The following TRPC7 variants were observed in gnomAD, a reference collection of about 807,000 sequenced individuals.
TRPC7 encodes the protein short transient receptor potential channel 7.
Under a neutral mutation model 90.1 loss-of-function variants are expected in TRPC7, and 42 were observed. That is an observed-to-expected ratio of 0.47 (90% confidence interval 0.36 to 0.60). The LOEUF (loss-of-function observed/expected upper bound fraction) is 0.60, where lower values mean the gene tolerates loss of function less well. Ranked by LOEUF, TRPC7 falls within the 20% of genes least tolerant of loss-of-function variation. TRPC7 has a pLI of 0.00. For missense variants in TRPC7, 955 were observed against 1,112.3 expected (o/e 0.86, Z 2.01); for synonymous variants, 451 against 436.3 (o/e 1.03, Z -0.42).
At chr5:136,220,383 T>C (rs1441855442) in intron 10 of TRPC7, among the ~76,000 whole-genome samples, 1 of 152,114 alleles carries the variant, frequency 6.6e-6, no homozygotes, top group Non-Finnish European at 1.5e-5. Flanking sequence ...ATTAAGACCC[T>C]GGGAAAGGAA....
At chr5:136,251,259 C>T (rs1462715650) in intron 6 of TRPC7, among the ~76,000 whole-genome samples, 1 of 152,138 alleles carries the variant, frequency 6.6e-6, no homozygotes, top group Non-Finnish European at 1.5e-5. Context: ...CACAGGGATC[C>T]AATATAGAAG....
chr5:136,213,361 A>G lies in TRPC7; in HGVS notation c.*74T>C. On this transcript the variant is annotated 3_prime_UTR_variant, in exon 12 of 12. Transcript: ENST00000513104. ...AGGAGTGGGCTGGGGACCCCTCCCC[A>G]CCAAGGATGGGGGCGAGGGCATCCA... 6.6e-7 allele frequency: 1 copy of G among 1,522,972 alleles called. No homozygotes were observed. Among genetic ancestry groups the G allele is most frequent in the Non-Finnish European group, 8.9e-7 (1 of 1,120,294 alleles). 94.3% of individuals were successfully genotyped at this position (1,522,972 alleles called of 1,614,324 possible).
intron 3 of TRPC7, among the ~76,000 whole-genome samples, chr5:136,286,727 G>A (rs560556096): frequency 4.6e-5 from 7 of 152,200 alleles, no homozygotes; most frequent in Admixed American, 3.3e-4. Context: ...AAGATAAGTC[G>A]AACACTGCCC....
chr5:136,361,070 G>A (rs1309958450), intron 1 of TRPC7, among the ~76,000 whole-genome samples: 1 of 152,148 alleles, frequency 6.6e-6, no homozygotes, highest in Non-Finnish European at 1.5e-5. Context: ...ATAGTTGGTG[G>A]CCAAAGCTTA....
chr5:136,246,055 T>C (rs1756326226), intron 7 of TRPC7, among the ~76,000 whole-genome samples: 1 of 152,202 alleles, frequency 6.6e-6, no homozygotes. Context: ...TGGATCTTTG[T>C]GGACACAGGC....
intron 5 of TRPC7, among the ~76,000 whole-genome samples, chr5:136,264,647 C>T (rs1008227300): frequency 1.3e-5 from 2 of 151,606 alleles, no homozygotes; most frequent in South Asian, 2.1e-4. Flanking sequence ...GGCTGGAGTG[C>T]GGTGGTGCAA....
intron 7 of TRPC7, among the ~76,000 whole-genome samples, chr5:136,231,986 G>A (rs1345525186): frequency 6.6e-6 from 1 of 152,164 alleles, no homozygotes; most frequent in African/African-American, 2.4e-5. Context: ...GTGGGGCTGG[G>A]CTGGTTGGTG....
intron 4 of TRPC7, among the ~76,000 whole-genome samples, chr5:136,273,248 A>G (rs1757260805): frequency 6.6e-6 from 1 of 152,188 alleles, no homozygotes; most frequent in Non-Finnish European, 1.5e-5. Context: ...CCTAAAACCC[A>G]TGACCAGCTT....
At chr5:136,243,879 T>C (rs1756247186) in intron 7 of TRPC7, among the ~76,000 whole-genome samples, 1 of 152,144 alleles carries the variant, frequency 6.6e-6, no homozygotes, top group Non-Finnish European at 1.5e-5. Flanking sequence ...CCATCCTTTC[T>C]TCACTGTGCT....
chr5:136,266,485 G>A, intron 4 of TRPC7, 49 bp from the exon 5 acceptor site: 5 of 1,516,312 alleles, frequency 3.3e-6, no homozygotes, highest in Non-Finnish European at 2.7e-6. Context: ...CTAGGTGGAT[G>A]TAGGTCTTTC....
chr5:136,255,200 T>C (rs1170279264), intron 5 of TRPC7, among the ~76,000 whole-genome samples: 1 of 152,206 alleles, frequency 6.6e-6, no homozygotes, highest in Non-Finnish European at 1.5e-5. Flanking sequence ...GGCTTGAGGG[T>C]ATTGAGTTTA....
At position 136,357,292 on chromosome 5, in the gene TRPC7, C is replaced by T; in HGVS notation, c.96G>A (p.Met32Ile). 6.2e-7 allele frequency: 1 copy of T among 1,612,272 alleles called. No individual in the cohort carries two copies. Among genetic ancestry groups the T allele is most frequent in the Non-Finnish European group, 8.5e-7 (1 of 1,179,888 alleles). Residue 32 changes from methionine (M) to isoleucine (I), a missense_variant, in exon 2 of 12, where the codon ATG (methionine) becomes ATA (isoleucine). Physicochemically the swap from Met to Ile is conservative, Grantham distance 10. This residue lies in a region of TRPC7 where 161 missense variants were observed against 145.7 expected (regional missense o/e 1.10). Coordinates refer to ENST00000513104, the MANE Select transcript of TRPC7 (RefSeq NM_020389.3). ...TCAGACTGGTGCCCTTCTCGTTGAA[C>T]ATGTAGGCGGGACCCCGGATGGCCT... is the stretch of plus-strand genomic sequence containing the variant. Reference protein sequence around the residue: ...RRQAIRGPAYMFNEKGTSLTP... With the variant: ...RRQAIRGPAYIFNEKGTSLTP...
At chr5:136,358,332 C>T (rs1760456226) in intron 1 of TRPC7, among the ~76,000 whole-genome samples, 1 of 151,990 alleles carries the variant, frequency 6.6e-6, no homozygotes, top group Non-Finnish European at 1.5e-5. Context: ...AATACTAATG[C>T]TACTAATAAT....
intron 5 of TRPC7, among the ~76,000 whole-genome samples, chr5:136,260,436 G>C (rs1209145264): frequency 2.0e-5 from 3 of 152,152 alleles, no homozygotes; most frequent in African/African-American, 7.2e-5. Flanking sequence ...GTAAAGACCT[G>C]AGGAGGTGAG....
chr5:136,333,109 TGG>T (rs1488110386), intron 2 of TRPC7, among the ~76,000 whole-genome samples: 1 of 152,176 alleles, frequency 6.6e-6, no homozygotes, highest in Non-Finnish European at 1.5e-5. Context: ...TATTGTGTTT[TGG>T]GGTGGTTTGT....
intron 2 of TRPC7, among the ~76,000 whole-genome samples, chr5:136,317,842 G>A (rs1759069949): frequency 2.0e-5 from 3 of 152,158 alleles, no homozygotes; most frequent in African/African-American, 7.2e-5. Context: ...CCCATGCTAG[G>A]AGCTAGTCAG....
At chr5:136,218,721 G>C (rs1244154590) in intron 10 of TRPC7, among the ~76,000 whole-genome samples, 2 of 152,228 alleles carry the variant, frequency 1.3e-5, no homozygotes, top group Non-Finnish European at 2.9e-5. Context: ...CCTGCTCACA[G>C]TCTCCTTCAA....
At chr5:136,338,833 TG>T (rs957011783) in intron 2 of TRPC7, among the ~76,000 whole-genome samples, 1 of 152,072 alleles carries the variant, frequency 6.6e-6, no homozygotes, top group East Asian at 1.9e-4. Context: ...CATGGGCTGT[TG>T]GGAGAAAACA....
intron 7 of TRPC7, among the ~76,000 whole-genome samples, chr5:136,236,793 C>T (rs2149799413): frequency 6.6e-6 from 1 of 152,322 alleles, no homozygotes; most frequent in Middle Eastern, 3.4e-3. Flanking sequence ...AGGAAAATTG[C>T]TGCTTCTTCA....
Sources: allele counts gnomAD v4.1 joint callset (sites outside exome capture counted in the v4.1 genomes callset), GRCh38; gene constraint gnomAD v4.1.1; regional missense constraint gnomAD v4.1.1; transcripts MANE v1.5; gene names NCBI Gene and HGNC (gene_info 2026-07-23, HGNC 2026-07-21).